The following DPP6 variants were observed in gnomAD, a reference collection of about 807,000 sequenced individuals.
The protein encoded by DPP6 is dipeptidyl peptidase like 6, also known as A-type potassium channel modulatory protein DPP6.
Under a neutral mutation model 122.6 loss-of-function variants are expected in DPP6, and 69 were observed. That is an observed-to-expected ratio of 0.56 (90% confidence interval 0.46 to 0.69). DPP6 has a LOEUF of 0.69. DPP6 is among the 30% of genes least tolerant of loss of function. The probability of loss-of-function intolerance (pLI) is 0.00; values close to 1 mark genes in which losing one functional copy is unlikely to be tolerated. For missense variants in DPP6, 928 were observed against 1,116.9 expected (o/e 0.83, Z 2.41); for synonymous variants, 418 against 433.1 (o/e 0.97, Z 0.43).
At chr7:154,732,639 G>A (rs1425113186) in intron 8 of DPP6, among the ~76,000 whole-genome samples, 1 of 152,164 alleles carries the variant, frequency 6.6e-6, no homozygotes, top group Non-Finnish European at 1.5e-5. Context: ...ATCAGCCTGG[G>A]ATGGCAGGGA....
intron 1 of DPP6, among the ~76,000 whole-genome samples, chr7:154,023,397 G>A (rs1443695285): frequency 6.7e-6 from 1 of 148,888 alleles, no homozygotes; most frequent in Admixed American, 6.7e-5. Flanking sequence ...ATAATAAGGG[G>A]CATGTTGCTC....
In DPP6 at chr7:154,158,469, T is replaced by A. The variant is rs28648477; in HGVS notation, c.243+105406T>A. Among the ~76,000 whole-genome samples the A allele has an allele frequency of 1.8e-3, 262 of 149,286 alleles. 3 individuals are homozygous for A. Among genetic ancestry groups the A allele is most frequent in the Non-Finnish European group, 2.4e-3 (159 of 67,278 alleles). ...CTCTTGTCCTGTTTCTTCCTTTTTT[T>A]AAAAAAAAAATCTCCTAAATTTCTG... On this transcript the variant is annotated intron_variant, in intron 1 of 25. Transcript: ENST00000377770.
At chr7:154,407,368 T>C (rs1238419497) in intron 1 of DPP6, among the ~76,000 whole-genome samples, 1 of 152,232 alleles carries the variant, frequency 6.6e-6, no homozygotes, top group Non-Finnish European at 1.5e-5. Flanking sequence ...CCAAATGTTA[T>C]TGAAAAAGTT....
intron 7 of DPP6, among the ~76,000 whole-genome samples, chr7:154,678,059 G>C (rs1839027726): frequency 6.6e-6 from 1 of 152,070 alleles, no homozygotes; most frequent in Non-Finnish European, 1.5e-5. Flanking sequence ...GTTTGTAAAC[G>C]CACTGATCAG....
the DPP6 span, among the ~76,000 whole-genome samples, chr7:153,870,234 C>G: frequency 6.6e-6 from 1 of 152,336 alleles, no homozygotes; most frequent in East Asian, 1.9e-4. Context: ...TGGATAATAT[C>G]CTGCAGAGCA....
At chr7:154,058,083 A>T (rs73481328) in intron 1 of DPP6, 1 of 42,096 alleles carries the variant, frequency 2.4e-5, no homozygotes, top group Non-Finnish European at 7.2e-5. Context: ...TTGCGGGTGG[A>T]GGGAGGCATC....
intron 1 of DPP6, among the ~76,000 whole-genome samples, chr7:154,144,074 A>G (rs1173709505): frequency 6.6e-6 from 1 of 151,866 alleles, no homozygotes; most frequent in East Asian, 1.9e-4. Flanking sequence ...AGGCTTTATC[A>G]TTCTTTTTAA....
At chr7:154,419,091 G>C (rs1817250048) in intron 1 of DPP6, among the ~76,000 whole-genome samples, 1 of 152,212 alleles carries the variant, frequency 6.6e-6, no homozygotes, top group Admixed American at 6.5e-5. Flanking sequence ...AATGTTCCAG[G>C]AATTAATAAT....
At chr7:154,613,775 G>A (rs1460202130) in intron 5 of DPP6, among the ~76,000 whole-genome samples, 2 of 151,948 alleles carry the variant, frequency 1.3e-5, no homozygotes, top group African/African-American at 4.8e-5. Context: ...ATTAAATTGA[G>A]CTTCTAACTG....
At chr7:154,206,472 G>T (rs117385485) in intron 1 of DPP6, among the ~76,000 whole-genome samples, 3 of 152,232 alleles carry the variant, frequency 2.0e-5, no homozygotes, top group African/African-American at 4.8e-5. Flanking sequence ...TTGCTCATCG[G>T]GGGTCATAAC....
rs146709407 is a variant in DPP6 at position 153,954,153 on chromosome 7, C to T, written c.51+66419C>T. 2.4e-4 allele frequency among the ~76,000 whole-genome samples: 36 copies of T among 152,278 alleles called. No individual in the cohort carries two copies. In the East Asian group the frequency reaches 6.6e-3, roughly 28 times the overall value. On this transcript the variant is annotated intron_variant, in intron 1 of 25. Coordinates refer to the DPP6 transcript ENST00000404039. Reference sequence around the variant, plus strand: ...AAACAGCTGGGCACCATCGCCCAGCCAAGTTGACATCTACAATTAGCCCTT... The same window carrying T: ...AAACAGCTGGGCACCATCGCCCAGCTAAGTTGACATCTACAATTAGCCCTT...
At chr7:154,587,544 T>G in intron 5 of DPP6, 1 of 1,261,402 alleles carries the variant, frequency 7.9e-7, no homozygotes, top group South Asian at 1.5e-5. Flanking sequence ...GCCCATTGAT[T>G]TTTGTTTCTC....
intron 17 of DPP6, among the ~76,000 whole-genome samples, chr7:154,856,709 T>C (rs963779778): frequency 2.6e-4 from 39 of 152,242 alleles, no homozygotes; most frequent in African/African-American, 8.9e-4. Flanking sequence ...GGCCCTAGGT[T>C]GCCATCCATA....
At chr7:154,227,002 A>G (rs1800641949) in intron 1 of DPP6, among the ~76,000 whole-genome samples, 1 of 152,172 alleles carries the variant, frequency 6.6e-6, no homozygotes, top group Non-Finnish European at 1.5e-5. Flanking sequence ...TGCAGCTGCT[A>G]CAGAAAACTG....
At chr7:154,625,824 C>T (rs1263373803) in intron 5 of DPP6, among the ~76,000 whole-genome samples, 1 of 152,246 alleles carries the variant, frequency 6.6e-6, no homozygotes, top group Non-Finnish European at 1.5e-5. Flanking sequence ...GTCCTTCCCA[C>T]AATTCATCCC....
intron 19 of DPP6, among the ~76,000 whole-genome samples, chr7:154,872,989 C>T (rs1804521983): frequency 6.6e-6 from 1 of 152,198 alleles, no homozygotes; most frequent in Non-Finnish European, 1.5e-5. Flanking sequence ...ATGACAGGCT[C>T]ACCGGAGGCT....
chr7:154,065,215 G>C (rs1001769771), intron 1 of DPP6, among the ~76,000 whole-genome samples: 5 of 151,880 alleles, frequency 3.3e-5, no homozygotes, highest in African/African-American at 9.7e-5. Context: ...ACTTAAACCA[G>C]CTCCAACAAG....
At chr7:154,405,737 C>A (rs1231524183) in intron 1 of DPP6, among the ~76,000 whole-genome samples, 2 of 152,138 alleles carry the variant, frequency 1.3e-5, no homozygotes, top group Non-Finnish European at 2.9e-5. Flanking sequence ...CAGAGGCTCT[C>A]AAACTGCTCT....
chr7:154,248,781 G>C (rs143538943), intron 1 of DPP6, among the ~76,000 whole-genome samples: 2 of 151,832 alleles, frequency 1.3e-5, no homozygotes, highest in Non-Finnish European at 2.9e-5. Context: ...CAGGAGAATC[G>C]TTTGAACCCA....
Sources: gnomAD v4.1 joint callset for allele counts (sites outside exome capture counted in the v4.1 genomes callset) on GRCh38, gnomAD v4.1.1 for gene constraint, MANE v1.5 for transcripts, NCBI Gene and HGNC (gene_info 2026-07-23, HGNC 2026-07-21) for gene names.